ANKRD55: variants seen among roughly 807,000 people sequenced by gnomAD.
ANKRD55 encodes ankyrin repeat domain-containing protein 55.
Under a neutral mutation model 60.6 loss-of-function variants are expected in ANKRD55, and 41 were observed. That is an observed-to-expected ratio of 0.68 (90% confidence interval 0.53 to 0.88). The LOEUF is 0.88. ANKRD55 is among the 40% of genes least tolerant of loss of function. The pLI is 0.00. For missense variants in ANKRD55, 732 were observed against 767.6 expected (o/e 0.95, Z 0.55); for synonymous variants, 264 against 290.3 (o/e 0.91, Z 0.92).
intron 6 of ANKRD55, among the ~76,000 whole-genome samples, chr5:56,148,493 A>T (rs1341094056): frequency 6.6e-6 from 1 of 152,138 alleles, no homozygotes; most frequent in Non-Finnish European, 1.5e-5. Context: ...TTGGGATCTG[A>T]TTTTAGATTG....
intron 11 of ANKRD55, among the ~76,000 whole-genome samples, chr5:56,101,034 A>G (rs1756255901): frequency 6.6e-6 from 1 of 152,224 alleles, no homozygotes; most frequent in South Asian, 2.1e-4. Context: ...GGTTTCTGCT[A>G]CTAACTCTCT....
chr5:56,137,117 T>C lies in ANKRD55; in HGVS notation c.612+6684A>G, dbSNP rs557909299. 2.3e-4 allele frequency: 285 copies of C among 1,213,022 alleles called. 3 individuals are homozygous for C. In the African/African-American group the frequency reaches 3.6e-3, roughly 15 times the overall value. The allele number at this position is 1,213,022 out of a possible 1,614,324, so 75.1% of individuals were successfully genotyped here. On this transcript the variant is annotated intron_variant, in intron 7 of 11. Coordinates refer to ENST00000341048, the MANE Select transcript of ANKRD55 (RefSeq NM_024669.3). ...GGCATATATGAAAAGCCACAAAGTA[T>C]CTGAAAGATGTCACTTTACAGAAAC... is the stretch of plus-strand genomic sequence containing the variant.
Position 56,220,078 on chromosome 5 carries a change from T to C in ANKRD55, c.58+12778A>G, listed in dbSNP as rs6880886. 7.6e-3 allele frequency among the ~76,000 whole-genome samples: 1,156 copies of C among 152,146 alleles called. 16 individuals carry two copies. Among genetic ancestry groups the C allele is most frequent in the African/African-American group, 0.027 (1,101 of 41,516 alleles). Reference sequence around the variant, plus strand: ...AGCCTCCTGAAGCTGATCCAATGAGTTGTGGGAAACATCAGGGTTGATTCA... The same window carrying C: ...AGCCTCCTGAAGCTGATCCAATGAGCTGTGGGAAACATCAGGGTTGATTCA... On this transcript the variant is annotated intron_variant, in intron 2 of 11. Transcript: ENST00000341048.
chr5:56,223,836 G>A (rs1400249682), intron 2 of ANKRD55, among the ~76,000 whole-genome samples: 15 of 152,152 alleles, frequency 9.9e-5, no homozygotes, highest in African/African-American at 3.6e-4. Flanking sequence ...GATTCATAAA[G>A]CAAGTCCTTA....
rs763015084 is a variant in ANKRD55 at position 56,111,662 on chromosome 5, C to A, written c.1086G>T (p.Gln362His). 4 of 1,530,362 alleles carry A rather than the reference C, an allele frequency of 2.6e-6. No homozygotes were observed. Among genetic ancestry groups the A allele is most frequent in the Non-Finnish European group, 2.6e-6 (3 of 1,144,452 alleles). The allele number at this position is 1,530,362 out of a possible 1,614,324, so 94.8% of individuals were successfully genotyped here. Residue 362 changes from glutamine to histidine, a missense_variant, in exon 10 of 12, where the codon CAG (glutamine) becomes CAT (histidine). Around this residue, in one of 3 missense-constraint regions of ANKRD55, gnomAD observed 597 missense variants for 607.5 expected, o/e 0.98. Coordinates refer to ENST00000341048, the MANE Select transcript of ANKRD55 (RefSeq NM_024669.3). ...KNKKEEQRAH[Q>H]KDPSRDRYRE... ...TGTATCGGTCCCTGCTGGGATCCTT[C>A]TGATGGGCTCTCTGCTCTTCTTTCT...
intron 2 of ANKRD55, among the ~76,000 whole-genome samples, chr5:56,224,261 C>T (rs1760048109): frequency 6.6e-6 from 1 of 151,406 alleles, no homozygotes; most frequent in East Asian, 1.9e-4. Flanking sequence ...GAAATGAAGG[C>T]AGAAATAAAG....
At chr5:56,140,656 A>G (rs1044549921) in intron 7 of ANKRD55, among the ~76,000 whole-genome samples, 4 of 152,214 alleles carry the variant, frequency 2.6e-5, no homozygotes, top group Non-Finnish European at 5.9e-5. Context: ...AAATGCAAAC[A>G]TCTCCAATAG....
intron 2 of ANKRD55, among the ~76,000 whole-genome samples, chr5:56,222,093 C>T (rs567344572): frequency 2.6e-5 from 4 of 152,014 alleles, no homozygotes; most frequent in African/African-American, 9.7e-5. Flanking sequence ...GGAGGCACCT[C>T]CCAGTAGGGG....
chr5:56,231,329 T>C (rs1760246128), intron 2 of ANKRD55, among the ~76,000 whole-genome samples: 1 of 152,206 alleles, frequency 6.6e-6, no homozygotes, highest in Non-Finnish European at 1.5e-5. Context: ...GTATCTTAAC[T>C]ATGTTTGGGG....
At chr5:56,185,589 A>G (rs1218291597) in intron 2 of ANKRD55, among the ~76,000 whole-genome samples, 1 of 150,938 alleles carries the variant, frequency 6.6e-6, no homozygotes, top group Admixed American at 6.6e-5. Flanking sequence ...AATTGCTTGA[A>G]CCCGGGAGGT....
intron 7 of ANKRD55, among the ~76,000 whole-genome samples, chr5:56,131,001 A>G (rs1377414237): frequency 6.6e-6 from 1 of 152,212 alleles, no homozygotes; most frequent in Admixed American, 6.5e-5. Context: ...GAGAACTACA[A>G]AAGGTGTAAC....
At chr5:56,199,768 G>A (rs890478194) in intron 2 of ANKRD55, among the ~76,000 whole-genome samples, 12 of 151,800 alleles carry the variant, frequency 7.9e-5, no homozygotes, top group Non-Finnish European at 1.6e-4. Flanking sequence ...GCGGGCGCCT[G>A]TAGTCCCAGC....
intron 9 of ANKRD55, among the ~76,000 whole-genome samples, chr5:56,114,795 TACAC>T (rs1337151224): frequency 2.0e-5 from 3 of 152,126 alleles, no homozygotes; most frequent in Admixed American, 6.5e-5. Context: ...CAAAGAAAAA[TACAC>T]ACAATTATCT....
chr5:56,225,432 GA>G (rs1561299540), intron 2 of ANKRD55, among the ~76,000 whole-genome samples: 1 of 152,172 alleles, frequency 6.6e-6, no homozygotes, highest in African/African-American at 2.4e-5. Context: ...ACAAGACAGG[GA>G]TGCCCTCTCT....
chr5:56,173,117 A>G (rs1374410428), intron 4 of ANKRD55, among the ~76,000 whole-genome samples: 1 of 152,172 alleles, frequency 6.6e-6, no homozygotes, highest in African/African-American at 2.4e-5. Flanking sequence ...TTCTCCTTCT[A>G]ATAAAACCTA....
At chr5:56,178,927 C>T (rs1003177003) in intron 3 of ANKRD55, among the ~76,000 whole-genome samples, 3 of 125,070 alleles carry the variant, frequency 2.4e-5, no homozygotes, top group African/African-American at 1.2e-4. Context: ...TTGGGAAACT[C>T]TTACATACTG....
In ANKRD55 at chr5:56,221,551, A is replaced by G. The variant is rs186504359; in HGVS notation, c.58+11305T>C. On this transcript the variant is annotated intron_variant, in intron 2 of 11. Transcript: ENST00000341048. ...ATGAGCCGAAGCAGGGTGAGGCATCACCTCACGCGGGAAGCGCAAGGGGTG... is the reference window on the plus strand; with the variant it reads ...ATGAGCCGAAGCAGGGTGAGGCATCGCCTCACGCGGGAAGCGCAAGGGGTG... Among the ~76,000 whole-genome samples the G allele has an allele frequency of 9.4e-4, 143 of 152,296 alleles. 3 individuals are homozygous for G. The Middle Eastern group carries it at 0.027, about 29-fold the overall frequency.
intron 11 of ANKRD55, among the ~76,000 whole-genome samples, chr5:56,100,849 G>A (rs984525022): frequency 1.3e-5 from 2 of 152,194 alleles, no homozygotes; most frequent in South Asian, 4.1e-4. Flanking sequence ...AGCTCCAACA[G>A]CATTCAAGAC....
chr5:56,135,292 T>TGCC (rs1323430580), intron 7 of ANKRD55, among the ~76,000 whole-genome samples: 7,202 of 82,278 alleles, frequency 0.088, 529 homozygotes, highest in South Asian at 0.18. Flanking sequence ...GCCTGCCTGC[T>TGCC]TGCTTTCTTT....
Sources: allele counts gnomAD v4.1 joint callset (sites outside exome capture counted in the v4.1 genomes callset), GRCh38; gene constraint gnomAD v4.1.1; regional missense constraint gnomAD v4.1.1; transcripts MANE v1.5; gene names NCBI Gene and HGNC (gene_info 2026-07-23, HGNC 2026-07-21).